The following RNF150 variants were observed in gnomAD, a reference collection of about 807,000 sequenced individuals.
RNF150 encodes the protein ring finger protein 150.
Under a neutral mutation model 39.3 loss-of-function variants are expected in RNF150, and 24 were observed. That is an observed-to-expected ratio of 0.61 (90% CI 0.44 to 0.86). The LOEUF (loss-of-function observed/expected upper bound fraction) is 0.86, where lower values mean the gene tolerates loss of function less well. Ranked by LOEUF, RNF150 falls within the 40% of genes least tolerant of loss-of-function variation. The pLI is 0.00. For synonymous variants in RNF150, 255 were observed against 227.3 expected, an observed-to-expected ratio of 1.12 and a Z score of -1.10; for missense variants, 502 against 587.8, an observed-to-expected ratio of 0.85 and a Z score of 1.51.
intron 1 of RNF150, among the ~76,000 whole-genome samples, chr4:141,082,702 C>T (rs1738204821): frequency 6.6e-6 from 1 of 151,314 alleles, no homozygotes; most frequent in African/African-American, 2.4e-5. Context: ...CATTCTCCTG[C>T]CTCAGCCTCC....
chr4:141,015,014 C>T (rs888672863), intron 1 of RNF150, among the ~76,000 whole-genome samples: 3 of 152,106 alleles, frequency 2.0e-5, no homozygotes, highest in Admixed American at 6.5e-5. Flanking sequence ...ATAAGATAAG[C>T]GTCAATTTTC....
At chr4:141,083,568 A>G (rs1738240641) in intron 1 of RNF150, among the ~76,000 whole-genome samples, 1 of 152,190 alleles carries the variant, frequency 6.6e-6, no homozygotes, top group Non-Finnish European at 1.5e-5. Context: ...AGCATCATAA[A>G]AAGACGTGAG....
intron 1 of RNF150, among the ~76,000 whole-genome samples, chr4:141,041,028 G>C (rs1269866045): frequency 1.3e-5 from 2 of 151,932 alleles, no homozygotes; most frequent in Non-Finnish European, 2.9e-5. Flanking sequence ...TTTGGTCACT[G>C]TTATCTGAAG....
At chr4:141,122,014 G>C (rs558460684) in intron 1 of RNF150, among the ~76,000 whole-genome samples, 1 of 152,198 alleles carries the variant, frequency 6.6e-6, no homozygotes, top group South Asian at 2.1e-4. Flanking sequence ...AACTCCCCCA[G>C]GTGATCCCAA....
intron 1 of RNF150, among the ~76,000 whole-genome samples, chr4:141,186,391 T>C (rs575614056): frequency 6.6e-6 from 1 of 152,258 alleles, no homozygotes; most frequent in South Asian, 2.1e-4. Flanking sequence ...CTTTATCCTT[T>C]TTTTATTCTT....
At chr4:140,922,508 T>C (rs1437164121) in intron 5 of RNF150, among the ~76,000 whole-genome samples, 2 of 151,970 alleles carry the variant, frequency 1.3e-5, no homozygotes, top group Non-Finnish European at 2.9e-5. Context: ...TGCTCATAGA[T>C]AGGAAGAATC....
intron 1 of RNF150, among the ~76,000 whole-genome samples, chr4:141,149,296 C>A (rs1274904945): frequency 6.6e-6 from 1 of 151,816 alleles, no homozygotes; most frequent in Admixed American, 6.6e-5. Context: ...CATGAATAAG[C>A]TCTCTAGTGG....
intron 1 of RNF150, among the ~76,000 whole-genome samples, chr4:141,023,602 T>C (rs1735581602): frequency 1.3e-5 from 2 of 152,138 alleles, no homozygotes; most frequent in South Asian, 4.1e-4. Context: ...CAAAATATTA[T>C]ATCAATAGAT....
intron 1 of RNF150, among the ~76,000 whole-genome samples, chr4:141,187,307 C>T (rs1187656845): frequency 1.3e-5 from 2 of 152,132 alleles, no homozygotes; most frequent in African/African-American, 2.4e-5. Context: ...TGGTGTGGTG[C>T]TGAGAAGAAT....
chr4:141,159,198 T>A (rs985282148), intron 1 of RNF150, among the ~76,000 whole-genome samples: 5 of 152,150 alleles, frequency 3.3e-5, no homozygotes, highest in African/African-American at 1.2e-4. Context: ...TAAGAAAATG[T>A]TTTAGGCTCT....
chr4:141,154,703 A>C (rs1308691110), intron 1 of RNF150, among the ~76,000 whole-genome samples: 1 of 152,246 alleles, frequency 6.6e-6, no homozygotes, highest in Non-Finnish European at 1.5e-5. Context: ...ATAAATTAAC[A>C]GCTGAATTTA....
intron 2 of RNF150, among the ~76,000 whole-genome samples, chr4:140,962,123 C>T (rs10016514): frequency 0.016 from 2,349 of 151,006 alleles, 57 homozygotes; most frequent in African/African-American, 0.052. Context: ...CACACACACA[C>T]GTATATATGA....
intron 6 of RNF150, among the ~76,000 whole-genome samples, chr4:140,890,834 C>T (rs1186312141): frequency 6.6e-6 from 1 of 152,146 alleles, no homozygotes; most frequent in Non-Finnish European, 1.5e-5. Flanking sequence ...TTTCCTTTTC[C>T]CTGCCTTCTT....
chr4:140,877,727 T>C (rs1442489156), intron 6 of RNF150, among the ~76,000 whole-genome samples: 1 of 152,144 alleles, frequency 6.6e-6, no homozygotes, highest in Non-Finnish European at 1.5e-5. Context: ...TGACATATGC[T>C]AAAAGAGAGG....
chr4:141,104,306 G>A (rs1739125058), intron 1 of RNF150, among the ~76,000 whole-genome samples: 1 of 152,128 alleles, frequency 6.6e-6, no homozygotes, highest in Non-Finnish European at 1.5e-5. Flanking sequence ...ACCATAAAGA[G>A]CCATCTTCGC....
At chr4:141,044,338 C>T (rs1578663821) in intron 1 of RNF150, among the ~76,000 whole-genome samples, 1 of 152,156 alleles carries the variant, frequency 6.6e-6, no homozygotes, top group African/African-American at 2.4e-5. Flanking sequence ...AGTGGTACTT[C>T]CTAGCTGCAA....
chr4:141,066,970 C>T (rs992189940), intron 1 of RNF150, among the ~76,000 whole-genome samples: 1 of 152,140 alleles, frequency 6.6e-6, no homozygotes, highest in East Asian at 1.9e-4. Flanking sequence ...GACTACCAAC[C>T]TGTATAACAT....
At chr4:141,168,417 C>A (rs1727639050) in intron 1 of RNF150, among the ~76,000 whole-genome samples, 1 of 152,062 alleles carries the variant, frequency 6.6e-6, no homozygotes, top group Non-Finnish European at 1.5e-5. Flanking sequence ...CCATAAATAC[C>A]ATTTGACCCA....
At chr4:141,088,833 A>G (rs17006859) in intron 1 of RNF150, among the ~76,000 whole-genome samples, 95,934 of 151,868 alleles carry the variant, frequency 0.63, 31,013 homozygotes, top group Non-Finnish European at 0.7. Flanking sequence ...ACACACTTAC[A>G]TGTCCAGAAC....
Sources: gnomAD v4.1 joint callset for allele counts (sites outside exome capture counted in the v4.1 genomes callset) on GRCh38, gnomAD v4.1.1 for gene constraint, MANE v1.5 for transcripts, NCBI Gene and HGNC (gene_info 2026-07-23, HGNC 2026-07-21) for gene names.